Variants in NDUFS7 observed in about 807,000 individuals in gnomAD.
The protein encoded by NDUFS7 is NADH dehydrogenase [ubiquinone] iron-sulfur protein 7, mitochondrial.
In NDUFS7, 11 loss-of-function variants were observed where a neutral mutation model predicts 31.1. That is an observed-to-expected ratio of 0.35 (90% CI 0.22 to 0.59). The LOEUF (loss-of-function observed/expected upper bound fraction) is 0.59. Among genes scored for constraint, NDUFS7 ranks in the 20% least tolerant of loss-of-function variants. The pLI, the probability that NDUFS7 is intolerant of heterozygous loss-of-function variation, is 0.79. For missense variants in NDUFS7, 263 were observed against 324.2 expected (o/e 0.81, Z 1.45); for synonymous variants, 136 against 127.9 (o/e 1.06, Z -0.43).
chr19:1,385,913 C>T (rs1368156987), intron 1 of NDUFS7, among the ~76,000 whole-genome samples: 1 of 152,230 alleles, frequency 6.6e-6, no homozygotes, highest in South Asian at 2.1e-4. Flanking sequence ...CTGCTAGGAG[C>T]TCATCCAAAG....
intron 7 of NDUFS7, chr19:1,394,566 C>T: frequency 8.0e-7 from 1 of 1,254,212 alleles, no homozygotes; most frequent in Non-Finnish European, 1.0e-6. Context: ...GACCGCGCTC[C>T]TCCCTCCCTG....
Position 1,383,947 on chromosome 19 carries a change from G to A in NDUFS7, c.16+5G>A, listed in dbSNP as rs375282422. 41 of 1,573,326 alleles carry A rather than the reference G, an allele frequency of 2.6e-5. No homozygotes were observed. On this transcript the variant is annotated splice_donor_5th_base_variant and intron_variant, in intron 1 of 7. Coordinates refer to ENST00000233627, the MANE Select transcript of NDUFS7 (RefSeq NM_024407.5). ...CCAAGATGGCGGTGCTGTCAGGTGA[G>A]CGCGGCACCGGCGGCGGGTGTGGGG...
intron 2 of NDUFS7, 128 bp from the exon 3 acceptor site, chr19:1,388,397 A>T: frequency 1.1e-6 from 1 of 872,914 alleles, no homozygotes; most frequent in Non-Finnish European, 1.8e-6. Context: ...CCAGTGGCCC[A>T]AGTGTTGACA....
At chr19:1,384,807 T>A (rs993021665) in intron 1 of NDUFS7, among the ~76,000 whole-genome samples, 1 of 152,238 alleles carries the variant, frequency 6.6e-6, no homozygotes, top group Non-Finnish European at 1.5e-5. Flanking sequence ...TTGTCTATGC[T>A]AAGAATTTTT....
chr19:1,390,739 G>A (rs995119462), intron 4 of NDUFS7, 132 bp from the exon 5 acceptor site: 8 of 1,015,112 alleles, frequency 7.9e-6, no homozygotes, highest in Admixed American at 2.1e-5. Flanking sequence ...TGCAGGAGCC[G>A]CTGTGCCTCT....
At chr19:1,390,556 G>A (rs2082547840) in intron 4 of NDUFS7, 1 of 515,834 alleles carries the variant, frequency 1.9e-6, no homozygotes, top group Non-Finnish European at 3.5e-6. Context: ...CTCGCCTGTA[G>A]CCCACGCGCT....
intron 5 of NDUFS7, 34 bp from the exon 6 acceptor site, chr19:1,391,085 A>G (rs778337278): frequency 6.2e-7 from 1 of 1,611,910 alleles, no homozygotes; most frequent in South Asian, 1.1e-5. Context: ...CCGCCCCCAG[A>G]GTGAGCTGCG....
At chr19:1,384,105 T>C in intron 1 of NDUFS7, 163 bp downstream of exon 1, 1 of 757,986 alleles carries the variant, frequency 1.3e-6, no homozygotes, top group Non-Finnish European at 2.0e-6. Flanking sequence ...CGGCTTGCGA[T>C]GAACGGTCGC....
intron 2 of NDUFS7, 55 bp downstream of exon 2, chr19:1,387,902 C>A: frequency 3.4e-6 from 1 of 293,196 alleles, no homozygotes; most frequent in Non-Finnish European, 5.5e-6. Flanking sequence ...CAGCGACAGA[C>A]GAACGGGGCG....
At chr19:1,394,013 A>C (rs1222405919) in intron 7 of NDUFS7, 1 of 252,250 alleles carries the variant, frequency 4.0e-6, no homozygotes, top group African/African-American at 2.2e-5. Context: ...CACGGTAGGC[A>C]GGCTTGGAGG....
chr19:1,388,291 T>A (rs2082523064), intron 2 of NDUFS7: 3 of 610,398 alleles, frequency 4.9e-6, no homozygotes, highest in South Asian at 3.8e-5. Context: ...GCTTGGACAC[T>A]GTTGACCTGC....
intron 1 of NDUFS7, among the ~76,000 whole-genome samples, chr19:1,385,444 C>T (rs1482360938): frequency 1.3e-5 from 2 of 152,018 alleles, no homozygotes; most frequent in Non-Finnish European, 2.9e-5. Context: ...ACCCGGGAGG[C>T]GGAGGTTGCA....
At position 1,387,841 on chromosome 19, in the gene NDUFS7, G is replaced by A. The variant is rs552179138; in HGVS notation, c.47G>A (p.Gly16Asp). Residue 16 changes from glycine (G) to aspartate (D), a missense_variant, in exon 2 of 8, where the codon GGT becomes GAT. Transcript: ENST00000233627. Reference sequence around the variant, plus strand: ...GGCCTGCGCGGCTTCCGGATCCTTGGTCTGCGGTGAGTGCCTGAGTCTCCA... The same window carrying A: ...GGCCTGCGCGGCTTCCGGATCCTTGATCTGCGGTGAGTGCCTGAGTCTCCA... ...APGLRGFRIL[G>D]LRSSVGPAVQ... 249 of 1,609,850 alleles carry A rather than the reference G, an allele frequency of 1.5e-4. 2 individuals are homozygous for A. In the South Asian group the frequency reaches 2.5e-3, roughly 16 times the overall value.
In NDUFS7 at chr19:1,393,215, ACTCCCCTCACGGTG is replaced by A; in HGVS notation, c.456-25_456-12del. 1 of 1,541,592 alleles carries A rather than the reference ACTCCCCTCACGGTG, an allele frequency of 6.5e-7. No homozygotes were observed. The highest frequency in any genetic ancestry group is 1.4e-5 in the African/African-American group (1 of 72,800). ...GGGTGGGCAGGCGGGTCTTCGGCAC[ACTCCCCTCACGGTG>A]CCTCCCCAACAGCTGCGCCAACGGA... On this transcript the variant is annotated splice_polypyrimidine_tract_variant and intron_variant, in intron 6 of 7. Transcript: ENST00000233627. This position sits in a 1 kb window ranked among gnomAD's most constrained non-coding sequence, Gnocchi z 7.3.
intron 1 of NDUFS7, among the ~76,000 whole-genome samples, chr19:1,386,306 G>A (rs1476158733): frequency 6.6e-6 from 1 of 152,214 alleles, no homozygotes; most frequent in East Asian, 1.9e-4. Context: ...AGTTCTGGGG[G>A]CTGGAAGGCC....
rs1248862713 is a variant in NDUFS7, at chr19:1,393,476, C to T, written c.544+146C>T. On this transcript the variant is annotated intron_variant, in intron 7 of 7. Transcript: ENST00000233627. The surrounding 1 kb of genome is among the most constrained non-coding windows in gnomAD (Gnocchi z 7.3). ...TGGATGGGCCGACTCGGAGCGCTGC[C>T]TCTTAGTGGAGCCTGTCCCCTGTGA... 5.6e-6 allele frequency: 4 copies of T among 717,688 alleles called. No homozygotes were observed. The Admixed American group carries it at 6.0e-5, about 11-fold the overall frequency. 44.5% of individuals were successfully genotyped at this position (717,688 alleles called of 1,614,324 possible).
At position 1,395,173 on chromosome 19, in the gene NDUFS7, G is replaced by A. The variant is rs944197140; in HGVS notation, c.545-218G>A. ...CAGCCCGGGATGAGCCACGGGTGGA[G>A]GGCAGTGGGGCCTTGCCCAGGGGAG... On this transcript the variant is annotated intron_variant, in intron 7 of 7. Transcript: ENST00000233627. 4 of 1,417,660 alleles carry A rather than the reference G, an allele frequency of 2.8e-6. No individual in the cohort carries two copies. The African/African-American group carries it at 4.3e-5, about 15-fold the overall frequency. The allele number at this position is 1,417,660 out of a possible 1,614,324, so 87.8% of individuals were successfully genotyped here.
At chr19:1,389,891 CT>C (rs2082542832) in intron 4 of NDUFS7, 2 of 205,904 alleles carry the variant, frequency 9.7e-6, no homozygotes, top group Non-Finnish European at 2.0e-5. Flanking sequence ...TAGTTCTTTT[CT>C]TTTTCTTTTC....
intron 4 of NDUFS7, 181 bp downstream of exon 4, chr19:1,389,119 C>T (rs1279111160): frequency 1.4e-6 from 1 of 707,978 alleles, no homozygotes; most frequent in Non-Finnish European, 2.6e-6. Flanking sequence ...GGACCACACG[C>T]ACACTCACGC....
Sources: gnomAD v4.1 joint callset for allele counts (sites outside exome capture counted in the v4.1 genomes callset) on GRCh38, gnomAD v4.1.1 for gene constraint, Gnocchi (gnomAD v3.1) non-coding constraint, MANE v1.5 for transcripts, NCBI Gene and HGNC (gene_info 2026-07-23, HGNC 2026-07-21) for gene names.